The following TRIM25 variants were observed in gnomAD, a reference collection of about 807,000 sequenced individuals.
TRIM25 encodes the protein tripartite motif containing 25, also known as E3 ubiquitin/ISG15 ligase TRIM25.
TRIM25 carries 45 observed loss-of-function variants against 65.2 expected under a neutral mutation model. That is an observed-to-expected ratio of 0.69 (90% CI 0.54 to 0.89). The LOEUF (loss-of-function observed/expected upper bound fraction) is 0.89. Among genes scored for constraint, TRIM25 ranks in the 40% least tolerant of loss-of-function variants. The pLI is 0.00. For synonymous variants in TRIM25, 321 were observed against 340.4 expected (o/e 0.94, Z 0.63); for missense variants, 714 against 803.7 (o/e 0.89, Z 1.35).
At chr17:56,899,719 G>C (rs1474177290) in intron 4 of TRIM25, among the ~76,000 whole-genome samples, 1 of 152,162 alleles carries the variant, frequency 6.6e-6, no homozygotes, top group Non-Finnish European at 1.5e-5. Context: ...GCCCAATCTT[G>C]GACTACACAA....
At chr17:56,901,289 G>A (rs1909405183) in intron 4 of TRIM25, 130 bp downstream of exon 4, 2 of 1,058,778 alleles carry the variant, frequency 1.9e-6, no homozygotes, top group African/African-American at 1.6e-5. Flanking sequence ...GAGGGCGGAT[G>A]TTTCAGGAGC....
chr17:56,893,966 C>T (rs531757978), intron 8 of TRIM25, among the ~76,000 whole-genome samples: 4 of 152,142 alleles, frequency 2.6e-5, no homozygotes, highest in Non-Finnish European at 5.9e-5. Flanking sequence ...GCTCCCACCT[C>T]GGCCCCACAT....
In TRIM25 at chr17:56,890,238, C is replaced by A. The variant is rs1216490234; in HGVS notation, c.*1462G>T. On this transcript the variant is annotated 3_prime_UTR_variant, in exon 9 of 9. Transcript: ENST00000316881. ...TAAGAGGCTAAATTCCTCATACTCA[C>A]ATCCTGACAACATTAGGCTATAAGG... The A allele has an allele frequency of 1.6e-5, 5 of 308,686 alleles. No homozygotes were observed. The highest frequency in any genetic ancestry group is 1.8e-4 in the East Asian group (2 of 10,894). 19.1% of individuals were successfully genotyped at this position (308,686 alleles called of 1,614,324 possible). A position where few individuals can be genotyped will look rare whatever the true frequency, so the allele number is the denominator to read the frequency against.
chr17:56,891,941 A>G lies in TRIM25; in HGVS notation c.1652T>C (p.Val551Ala). 6.2e-7 allele frequency: 1 copy of G among 1,614,202 alleles called. No individual in the cohort carries two copies. The highest frequency in any genetic ancestry group is 1.1e-5 in the South Asian group (1 of 91,088). ...RLGRNSASWCVEWFNTKISAW... is the reference protein window; with the variant it reads ...RLGRNSASWCAEWFNTKISAW... The stretch of plus-strand genomic sequence containing the variant: ...AGAGATCTTGGTGTTGAACCACTCC[A>G]CGCACCAGGAGGCGCTGTTGCGGCC... The change falls in exon 9 of 9, where the codon GTG (valine) becomes GCG (alanine). Residue 551 changes from valine to alanine, a missense_variant. Val to Ala is a moderately conservative substitution (Grantham distance 64). This residue lies in a region of TRIM25 where 413 missense variants were observed against 498.2 expected (regional missense o/e 0.83). Transcript: ENST00000316881.
At position 56,890,692 on chromosome 17, in the gene TRIM25, C is replaced by T. The variant is rs1306860629; in HGVS notation, c.*1008G>A. 3 of 456,530 alleles carry T rather than the reference C, an allele frequency of 6.6e-6. No homozygotes were observed. The highest frequency in any genetic ancestry group is 4.4e-6 in the Non-Finnish European group (1 of 226,964). 28.3% of individuals were successfully genotyped at this position (456,530 alleles called of 1,614,324 possible). A position where few individuals can be genotyped will look rare whatever the true frequency, so the allele number is the denominator to read the frequency against. The stretch of plus-strand genomic sequence containing the variant: ...ACTGTGCTAGCCTCGGTGGTACCTG[C>T]ACTGTCATTCCATATGTCACAATCC... On this transcript the variant is annotated 3_prime_UTR_variant, in exon 9 of 9. Transcript: ENST00000316881.
Position 56,895,925 on chromosome 17 carries a change from C to G in TRIM25, c.1180+1G>C. 2 of 1,612,578 alleles carry G rather than the reference C, an allele frequency of 1.2e-6. No individual in the cohort carries two copies. Among genetic ancestry groups the G allele is most frequent in the Non-Finnish European group, 1.7e-6 (2 of 1,179,588 alleles). ...AACAGTTGCAGAAATGCATAACTTA[C>G]GAGGTTTCTTGGATTTCTTTTCCTC... On this transcript the variant is annotated splice_donor_variant, in intron 6 of 8. Transcript: ENST00000316881. LOFTEE classifies it high-confidence loss of function.
chr17:56,897,407 GC>G (rs1909316012), intron 5 of TRIM25, among the ~76,000 whole-genome samples: 1 of 148,940 alleles, frequency 6.7e-6, no homozygotes, highest in Admixed American at 6.7e-5. Context: ...ACACCACAAA[GC>G]CCCCTTGCTA....
chr17:56,899,535 A>C (rs1469388334), intron 4 of TRIM25, among the ~76,000 whole-genome samples: 1 of 152,176 alleles, frequency 6.6e-6, no homozygotes, highest in African/African-American at 2.4e-5. Flanking sequence ...AAGGTCATGT[A>C]GCGGAGGCTG....
In TRIM25 at chr17:56,891,831, C is replaced by A. The variant is rs1909177454; in HGVS notation, c.1762G>T (p.Val588Phe). 6.2e-7 allele frequency: 1 copy of A among 1,614,126 alleles called. No homozygotes were observed. The highest frequency in any genetic ancestry group is 1.3e-5 in the African/African-American group (1 of 74,948). ...TTGTCGGCAACAGCGAAGAAGATGACAAAGCCGTGGTCACAGTTGAGAAGC... is the reference window on the plus strand; with the variant it reads ...TTGTCGGCAACAGCGAAGAAGATGAAAAAGCCGTGGTCACAGTTGAGAAGC... ...GVLLNCDHGF[V>F]IFFAVADKVH... Residue 588 changes from valine (V) to phenylalanine (F), a missense_variant, in exon 9 of 9, where the codon GTC becomes TTC. By Grantham distance (50) the Val-to-Phe change is conservative. Around this residue, in one of 3 missense-constraint regions of TRIM25, gnomAD observed 413 missense variants for 498.2 expected, o/e 0.83. Transcript: ENST00000316881.
At chr17:56,908,753 C>T in intron 1 of TRIM25, 190 bp from the exon 2 acceptor site, 1 of 596,340 alleles carries the variant, frequency 1.7e-6, no homozygotes, top group Admixed American at 2.7e-5. Flanking sequence ...TTACTACTTC[C>T]CTTCATCCTT....
rs772235780 is a variant in TRIM25, at chr17:56,913,403, C to T, written c.586G>A (p.Ala196Thr). 2 of 1,568,608 alleles carry T rather than the reference C, an allele frequency of 1.3e-6. No homozygotes were observed. The highest frequency in any genetic ancestry group is 1.7e-6 in the Non-Finnish European group (2 of 1,151,630). The change falls in exon 1 of 9, where the codon GCC becomes ACC. Residue 196 changes from alanine to threonine, a missense_variant. Physicochemically the swap from Ala to Thr is moderately conservative, Grantham distance 58. This residue lies in a region of TRIM25 where 291 missense variants were observed against 281.8 expected (regional missense o/e 1.03). Coordinates refer to ENST00000316881, the MANE Select transcript of TRIM25 (RefSeq NM_005082.5). The surrounding 1 kb of genome is among the most constrained non-coding windows in gnomAD (Gnocchi z 6.1). ...CSPASLSQAS[A>T]DLEATLRHKL... ...AGGCCGTTCCCTACCTCCAGGTCGG[C>T]GCTGGCCTGGCTCAGGGACGCGGGA...
rs1328296875 is a variant in TRIM25, at chr17:56,913,675, A to T, written c.314T>A (p.Val105Glu). 15 of 1,592,710 alleles carry T rather than the reference A, an allele frequency of 9.4e-6. No individual in the cohort carries two copies. Among genetic ancestry groups the T allele is most frequent in the Admixed American group, 3.4e-5 (2 of 58,730 alleles). Residue 105 changes from valine to glutamate, a missense_variant, in exon 1 of 9, where the codon GTG becomes GAG. By Grantham distance (121) the Val-to-Glu change is moderately radical. This residue lies in a region of TRIM25 where 291 missense variants were observed against 281.8 expected (regional missense o/e 1.03). Transcript: ENST00000316881. The surrounding 1 kb of genome is among the most constrained non-coding windows in gnomAD (Gnocchi z 6.1). Reference protein sequence around the residue: ...RASAPSPNAQVACDHCLKEAA... With the variant: ...RASAPSPNAQEACDHCLKEAA... ...CTCCTTCAGGCAGTGGTCGCAGGCC[A>T]CCTGGGCATTCGGGCTGGGTGCAGA...
intron 1 of TRIM25, among the ~76,000 whole-genome samples, chr17:56,911,578 C>A (rs1246167175): frequency 5.5e-4 from 76 of 137,044 alleles, no homozygotes; most frequent in Admixed American, 5.8e-4. Flanking sequence ...GACTCCAACT[C>A]AAAAAAAAAA....
At chr17:56,894,141 A>G (rs1909238642) in intron 8 of TRIM25, among the ~76,000 whole-genome samples, 1 of 152,248 alleles carries the variant, frequency 6.6e-6, no homozygotes, top group African/African-American at 2.4e-5. Flanking sequence ...ACTGTCCTCA[A>G]AAGGATCATG....
rs1909174851 is a variant in TRIM25, at chr17:56,891,747, A to G, written c.1846T>C (p.Trp616Arg). The change falls in exon 9 of 9, where the codon TGG becomes CGG. Residue 616 changes from tryptophan (W) to arginine (R), a missense_variant. Physicochemically the swap from Trp to Arg is moderately radical, Grantham distance 101. Around this residue, in one of 3 missense-constraint regions of TRIM25, gnomAD observed 10 missense variants for 23.6 expected, o/e 0.42. Transcript: ENST00000316881. ...DFTEALYPAF[W>R]VFSAGATLSI... ...AGTGTGGCACCAGCAGAAAATACCC[A>G]GAAAGCCGGGTACAAAGCCTCAGTA... 1 of 1,614,024 alleles carries G rather than the reference A, an allele frequency of 6.2e-7. No individual in the cohort carries two copies. Among genetic ancestry groups the G allele is most frequent in the African/African-American group, 1.3e-5 (1 of 74,932 alleles).
At chr17:56,892,455 A>C (rs1909200968) in intron 8 of TRIM25, among the ~76,000 whole-genome samples, 1 of 152,110 alleles carries the variant, frequency 6.6e-6, no homozygotes, top group South Asian at 2.1e-4. Context: ...CCATCTATCC[A>C]TCTACCCATG....
chr17:56,910,000 C>A (rs570299869), intron 1 of TRIM25, among the ~76,000 whole-genome samples: 29 of 152,250 alleles, frequency 1.9e-4, no homozygotes, highest in Non-Finnish European at 4.1e-4. Context: ...AAGAACAACA[C>A]TATGAGGTAG....
intron 3 of TRIM25, 69 bp from the exon 4 acceptor site, chr17:56,901,647 A>ACC (rs1412493216): frequency 4.4e-5 from 70 of 1,587,144 alleles, no homozygotes; most frequent in Non-Finnish European, 6.0e-5. Flanking sequence ...GTCCTCACCA[A>ACC]CCCCAGGAGG....
At chr17:56,896,143 G>A (rs1338621144) in intron 5 of TRIM25, among the ~76,000 whole-genome samples, 191 bp from the exon 6 acceptor site, 2 of 152,146 alleles carry the variant, frequency 1.3e-5, no homozygotes, top group Admixed American at 6.5e-5. Flanking sequence ...CGTGGGGGCG[G>A]GGACTGACTA....
Sources: gnomAD v4.1 joint callset for allele counts (sites outside exome capture counted in the v4.1 genomes callset) on GRCh38, gnomAD v4.1.1 for gene constraint, gnomAD v4.1.1 regional missense constraint, Gnocchi (gnomAD v3.1) non-coding constraint, MANE v1.5 for transcripts, NCBI Gene and HGNC (gene_info 2026-07-23, HGNC 2026-07-21) for gene names.